The following NLGN1 variants were observed in gnomAD, a reference collection of about 807,000 sequenced individuals.
NLGN1 encodes neuroligin-1.
A neutral mutation model predicts 65.5 loss-of-function variants in NLGN1; 12 were observed. The observed-to-expected ratio is 0.18, with a 90% confidence interval of 0.12 to 0.30. NLGN1 has a LOEUF of 0.30. Ranked by LOEUF, NLGN1 falls within the 10% of genes least tolerant of loss-of-function variation. The pLI, the probability that NLGN1 is intolerant of heterozygous loss-of-function variation, is 1.00. For synonymous variants in NLGN1, 350 were observed against 359.5 expected (o/e 0.97, Z 0.30); for missense variants, 750 against 1,007.1 (o/e 0.74, Z 3.46).
chr3:173,645,407 G>A (rs1577709357), intron 3 of NLGN1, among the ~76,000 whole-genome samples: 2 of 152,288 alleles, frequency 1.3e-5, no homozygotes, highest in South Asian at 4.1e-4. Flanking sequence ...TCTCTTGCAG[G>A]CTTTCCTCCA....
chr3:173,984,867 C>A (rs943030485), intron 4 of NLGN1, among the ~76,000 whole-genome samples: 4 of 152,088 alleles, frequency 2.6e-5, no homozygotes, highest in African/African-American at 9.7e-5. Context: ...TATGGTGAAA[C>A]CCTGTGTCTA....
chr3:173,621,498 G>A (rs901404081), intron 3 of NLGN1, among the ~76,000 whole-genome samples: 1 of 152,092 alleles, frequency 6.6e-6, no homozygotes, highest in Non-Finnish European at 1.5e-5. Flanking sequence ...CTATCAACAA[G>A]TATGCATTGA....
At chr3:173,998,704 C>G (rs545518655) in intron 4 of NLGN1, among the ~76,000 whole-genome samples, 99 of 152,278 alleles carry the variant, frequency 6.5e-4, no homozygotes, top group African/African-American at 2.3e-3. Flanking sequence ...CATAAGTCTA[C>G]TTGCACTGTT....
At chr3:173,868,205 C>A (rs960824265) in intron 4 of NLGN1, among the ~76,000 whole-genome samples, 1 of 151,970 alleles carries the variant, frequency 6.6e-6, no homozygotes, top group Admixed American at 6.6e-5. Context: ...GAGGGAGAAG[C>A]AAGGTGAATA....
At chr3:173,745,939 G>A (rs75355993) in intron 3 of NLGN1, among the ~76,000 whole-genome samples, 2 of 152,070 alleles carry the variant, frequency 1.3e-5, no homozygotes, top group Non-Finnish European at 2.9e-5. Flanking sequence ...ACTTATCCAA[G>A]TGTGTAACTG....
intron 4 of NLGN1, among the ~76,000 whole-genome samples, chr3:174,052,897 G>A (rs531653270): frequency 7.9e-5 from 12 of 152,080 alleles, no homozygotes; most frequent in South Asian, 4.1e-4. Context: ...TGTGCAAGTA[G>A]CAACAATGTT....
In NLGN1 at chr3:173,746,531, A is replaced by ACACT. The variant is rs201379486; in HGVS notation, c.494-61149_494-61148insCACT. On this transcript the variant is annotated intron_variant, in intron 3 of 6. Coordinates refer to ENST00000457714, the Ensembl canonical transcript of NLGN1. ...TCAGGACTTCCTTGCTGTTTCCTCTAATGAGTCAGAATTCGAGTCTGAGTC... is the reference window on the plus strand; with the variant it reads ...TCAGGACTTCCTTGCTGTTTCCTCTACACTATGAGTCAGAATTCGAGTCTGAGTC... Among the ~76,000 whole-genome samples the ACACT allele has an allele frequency of 5.1e-3, 771 of 152,120 alleles. 6 individuals are homozygous for ACACT. Among genetic ancestry groups the ACACT allele is most frequent in the African/African-American group, 0.018 (736 of 41,516 alleles).
At chr3:173,442,103 G>A (rs901543530) in intron 2 of NLGN1, among the ~76,000 whole-genome samples, 5 of 152,132 alleles carry the variant, frequency 3.3e-5, no homozygotes, top group African/African-American at 1.2e-4. Flanking sequence ...TTGGAGTAAT[G>A]AATGTGTCTT....
chr3:173,533,906 T>C (rs181203921), intron 2 of NLGN1, among the ~76,000 whole-genome samples: 7 of 152,066 alleles, frequency 4.6e-5, no homozygotes, highest in Admixed American at 4.6e-4. Context: ...TGCTTGAGCC[T>C]AGGAGGTGGA....
chr3:174,063,500 T>G (rs545660834), intron 4 of NLGN1, among the ~76,000 whole-genome samples: 9 of 152,300 alleles, frequency 5.9e-5, no homozygotes, highest in Non-Finnish European at 1.3e-4. Flanking sequence ...CACTAATGTC[T>G]GTTTAAAATA....
chr3:173,975,068 G>T (rs1275894679), intron 4 of NLGN1, among the ~76,000 whole-genome samples: 1 of 152,036 alleles, frequency 6.6e-6, no homozygotes, highest in Non-Finnish European at 1.5e-5. Context: ...CATGTTTCTA[G>T]GGCTGGGGTC....
intron 4 of NLGN1, among the ~76,000 whole-genome samples, chr3:174,265,887 CGTATATATGTATATATGT>C (rs1163493490): frequency 2.2e-5 from 3 of 136,284 alleles, no homozygotes; most frequent in Admixed American, 7.6e-5. Flanking sequence ...TATATATATA[CGTATATATGTATATATGT>C]GTATATATGT....
chr3:173,692,080 C>G (rs993500494), intron 3 of NLGN1, among the ~76,000 whole-genome samples: 1 of 151,960 alleles, frequency 6.6e-6, no homozygotes, highest in African/African-American at 2.4e-5. Flanking sequence ...TAGCAGTTAC[C>G]AGGAAATAAA....
At chr3:174,016,833 A>G (rs114811570) in intron 4 of NLGN1, among the ~76,000 whole-genome samples, 175 of 152,302 alleles carry the variant, frequency 1.1e-3, no homozygotes, top group African/African-American at 4.0e-3. Flanking sequence ...AAGGAACAGT[A>G]GAAACTTAGA....
chr3:173,874,667 C>T lies in NLGN1; in HGVS notation c.646+66835C>T, dbSNP rs1172028675. 3.3e-5 allele frequency among the ~76,000 whole-genome samples: 5 copies of T among 152,100 alleles called. No homozygotes were observed. In the East Asian group the frequency reaches 9.6e-4, roughly 29 times the overall value. ...TGATGATAAACATGTAATTTTCCCC[C>T]TCATCCAAGTTCCACAGACTAAAGT... On this transcript the variant is annotated intron_variant, in intron 4 of 6. Transcript: ENST00000457714.
intron 4 of NLGN1, among the ~76,000 whole-genome samples, chr3:174,009,350 T>C (rs1460506061): frequency 6.6e-6 from 1 of 152,210 alleles, no homozygotes; most frequent in Non-Finnish European, 1.5e-5. Context: ...GGAATAGGCA[T>C]TCAGGTCATA....
intron 3 of NLGN1, among the ~76,000 whole-genome samples, chr3:173,635,229 A>G (rs1007239777): frequency 2.0e-5 from 3 of 152,114 alleles, no homozygotes; most frequent in African/African-American, 7.2e-5. Flanking sequence ...AGAGACAAGT[A>G]TTATCATTTC....
At chr3:173,734,290 A>G (rs1438434447) in intron 3 of NLGN1, among the ~76,000 whole-genome samples, 1 of 151,670 alleles carries the variant, frequency 6.6e-6, no homozygotes. Context: ...GTTCAAGATA[A>G]TAAACACTGT....
intron 4 of NLGN1, among the ~76,000 whole-genome samples, chr3:173,891,991 A>G (rs1303590450): frequency 6.6e-6 from 1 of 152,168 alleles, no homozygotes; most frequent in Non-Finnish European, 1.5e-5. Flanking sequence ...ATGTTTCTAG[A>G]AGCAGGAGTC....
Sources: allele counts gnomAD v4.1 joint callset (sites outside exome capture counted in the v4.1 genomes callset), GRCh38; gene constraint gnomAD v4.1.1; transcripts MANE v1.5; gene names NCBI Gene and HGNC (gene_info 2026-07-23, HGNC 2026-07-21).